The following HSDL2 variants were observed in gnomAD, a reference collection of about 807,000 sequenced individuals.
HSDL2 encodes hydroxysteroid dehydrogenase like 2, also known as hydroxysteroid dehydrogenase-like protein 2.
Under a neutral mutation model 46.3 loss-of-function variants are expected in HSDL2, and 27 were observed. The ratio of observed to expected loss-of-function variants is 0.58; its 90% confidence interval spans 0.43 to 0.80. The LOEUF (loss-of-function observed/expected upper bound fraction) is 0.80, where lower values mean the gene tolerates loss of function less well. HSDL2 is among the 30% of genes least tolerant of loss of function. HSDL2 has a pLI of 0.00. For synonymous variants in HSDL2, 153 were observed against 163.6 expected, an observed-to-expected ratio of 0.94 and a Z score of 0.50; for missense variants, 451 against 502.7, an observed-to-expected ratio of 0.90 and a Z score of 0.98.
intron 10 of HSDL2, among the ~76,000 whole-genome samples, chr9:112,468,287 A>C (rs973460533): frequency 6.6e-6 from 1 of 152,030 alleles, no homozygotes; most frequent in African/African-American, 2.4e-5. Context: ...AAAAGTTCTT[A>C]TATTATTTCT....
intron 6 of HSDL2, among the ~76,000 whole-genome samples, chr9:112,431,874 C>CTTTT (rs57619792): frequency 1.0e-5 from 1 of 100,116 alleles, no homozygotes; most frequent in Non-Finnish European, 2.0e-5. Flanking sequence ...GTATTTCTTT[C>CTTTT]TTTTTTTTTT....
In HSDL2 at chr9:112,416,729, G is replaced by A. The variant is rs534004522; in HGVS notation, c.396-112G>A. 6.0e-5 allele frequency: 32 copies of A among 536,690 alleles called. 1 individual carries two copies. In the South Asian group the frequency reaches 7.5e-4, roughly 13 times the overall value. 33.2% of individuals were successfully genotyped at this position (536,690 alleles called of 1,614,324 possible). A position where few individuals can be genotyped will look rare whatever the true frequency, so the allele number is the denominator to read the frequency against. The stretch of plus-strand genomic sequence containing the variant: ...CTCAAGGCTTTAGTGAACTGTGATC[G>A]AGTCATGCACTCCAGCCTGGGCAAC... On this transcript the variant is annotated intron_variant, in intron 4 of 10. Transcript: ENST00000398805.
intron 1 of HSDL2, among the ~76,000 whole-genome samples, chr9:112,390,285 A>T (rs1228536466): frequency 1.3e-5 from 2 of 152,034 alleles, no homozygotes; most frequent in African/African-American, 4.8e-5. Context: ...AGCAGATAAT[A>T]TATATATTTA....
chr9:112,420,822 T>A (rs1832103418), intron 6 of HSDL2, among the ~76,000 whole-genome samples: 1 of 152,234 alleles, frequency 6.6e-6, no homozygotes. Flanking sequence ...TTCTGTTACA[T>A]TAGGGTTAGA....
intron 10 of HSDL2, among the ~76,000 whole-genome samples, chr9:112,464,952 C>G (rs1833333143): frequency 1.3e-5 from 2 of 152,168 alleles, no homozygotes; most frequent in South Asian, 4.1e-4. Flanking sequence ...CTTTCTATCT[C>G]TATGGTTTTC....
chr9:112,394,294 A>T (rs1371451770), intron 1 of HSDL2, among the ~76,000 whole-genome samples: 1 of 146,084 alleles, frequency 6.8e-6, no homozygotes, highest in African/African-American at 2.5e-5. Context: ...TATCATACAA[A>T]GCCTCAGGGC....
At chr9:112,421,286 C>A (rs1832117060) in intron 6 of HSDL2, among the ~76,000 whole-genome samples, 1 of 152,084 alleles carries the variant, frequency 6.6e-6, no homozygotes, top group African/African-American at 2.4e-5. Flanking sequence ...GTGATCATGC[C>A]ACTGTACTCT....
intron 9 of HSDL2, 51 bp downstream of exon 9, chr9:112,454,213 T>A (rs767020247): frequency 6.6e-7 from 1 of 1,504,242 alleles, no homozygotes; most frequent in East Asian, 2.3e-5. Flanking sequence ...AAATGGGGTG[T>A]TTCCTTTGGA....
intron 10 of HSDL2, among the ~76,000 whole-genome samples, chr9:112,466,058 TTTG>T (rs1323210233): frequency 2.6e-5 from 4 of 152,234 alleles, no homozygotes; most frequent in Admixed American, 2.0e-4. Context: ...ACACTTCTTT[TTTG>T]TTATTATTTT....
chr9:112,443,564 C>T (rs1219076742), intron 8 of HSDL2, among the ~76,000 whole-genome samples: 2 of 151,768 alleles, frequency 1.3e-5, no homozygotes, highest in East Asian at 1.9e-4. Context: ...CCTGTCTCTA[C>T]AAAAAAATAA....
Position 112,380,121 on chromosome 9 carries a change from C to G in HSDL2, c.-43C>G. 6.6e-7 allele frequency: 1 copy of G among 1,523,162 alleles called. No individual in the cohort carries two copies. The highest frequency in any genetic ancestry group is 8.9e-7 in the Non-Finnish European group (1 of 1,120,606). 94.4% of individuals were successfully genotyped at this position (1,523,162 alleles called of 1,614,324 possible). On this transcript the variant is annotated 5_prime_UTR_variant, in exon 1 of 11. Transcript: ENST00000398805. ...CGGTCCAGCTTTAGCTCTCTGCTCG[C>G]CGCCGCCGCTGTCGCCGCCACCTCC...
chr9:112,417,073 A>T (rs1325160875), intron 5 of HSDL2, 129 bp downstream of exon 5: 2 of 453,470 alleles, frequency 4.4e-6, no homozygotes, highest in Non-Finnish European at 8.0e-6. Context: ...CCAAGTCATT[A>T]AGTGGCATTT....
intron 9 of HSDL2, among the ~76,000 whole-genome samples, chr9:112,457,438 C>T (rs1021301471): frequency 3.3e-5 from 5 of 151,976 alleles, no homozygotes; most frequent in South Asian, 2.1e-4. Context: ...CTCAGGAGTT[C>T]GAGACCAGGC....
At chr9:112,440,653 G>A (rs976759547) in intron 7 of HSDL2, among the ~76,000 whole-genome samples, 4 of 152,058 alleles carry the variant, frequency 2.6e-5, no homozygotes, top group South Asian at 2.1e-4. Flanking sequence ...CCAGTGGATC[G>A]CTTGAGCCAA....
intron 1 of HSDL2, among the ~76,000 whole-genome samples, chr9:112,390,497 A>G (rs1831316129): frequency 6.6e-6 from 1 of 152,132 alleles, no homozygotes; most frequent in Admixed American, 6.5e-5. Flanking sequence ...CTCTGTCACC[A>G]AGCTGGAGTG....
At chr9:112,387,206 G>C (rs1831236302) in intron 1 of HSDL2, among the ~76,000 whole-genome samples, 1 of 151,734 alleles carries the variant, frequency 6.6e-6, no homozygotes, top group South Asian at 2.1e-4. Flanking sequence ...TATAACCTCT[G>C]GGATTTGGTT....
rs1450651021 is a variant in HSDL2 at position 112,471,924 on chromosome 9, G to C, written c.*1380G>C. 6.6e-6 allele frequency: 1 copy of C among 152,158 alleles called. No individual in the cohort carries two copies. The highest frequency in any genetic ancestry group is 1.5e-5 in the Non-Finnish European group (1 of 68,024). 9.4% of individuals were successfully genotyped at this position (152,158 alleles called of 1,614,324 possible). On this transcript the variant is annotated 3_prime_UTR_variant, in exon 11 of 11. Transcript: ENST00000398805. Reference sequence around the variant, plus strand: ...ATTTCTTAGATTCATAATGTTAGGAGCATTTAATCTGTATTTTACAAGTTA... The same window carrying C: ...ATTTCTTAGATTCATAATGTTAGGACCATTTAATCTGTATTTTACAAGTTA...
chr9:112,455,663 G>A (rs1344154744), intron 9 of HSDL2, among the ~76,000 whole-genome samples: 2 of 152,188 alleles, frequency 1.3e-5, no homozygotes, highest in East Asian at 3.8e-4. Flanking sequence ...TGTTTTTGTG[G>A]TCAGCTTACT....
At chr9:112,470,144 G>C (rs2132724318) in intron 10 of HSDL2, among the ~76,000 whole-genome samples, 1 of 152,290 alleles carries the variant, frequency 6.6e-6, no homozygotes, top group Non-Finnish European at 1.5e-5. Flanking sequence ...GAATTCATTT[G>C]AGGGCCGTGT....
Sources: gnomAD v4.1 joint callset for allele counts (sites outside exome capture counted in the v4.1 genomes callset) on GRCh38, gnomAD v4.1.1 for gene constraint, MANE v1.5 for transcripts, NCBI Gene and HGNC (gene_info 2026-07-23, HGNC 2026-07-21) for gene names.